The following OTOGL variants were observed in gnomAD, a reference collection of about 807,000 sequenced individuals.
OTOGL encodes the protein otogelin like.
Under a neutral mutation model 318.5 loss-of-function variants are expected in OTOGL, and 285 were observed. The observed-to-expected ratio is 0.89, with a 90% CI of 0.81 to 0.99. The LOEUF (loss-of-function observed/expected upper bound fraction) is 0.99. Among genes scored for constraint, OTOGL ranks in the 50% least tolerant of loss-of-function variants. OTOGL has a pLI of 0.00. For missense variants in OTOGL, 2,899 were observed against 2,845.6 expected (o/e 1.02, Z -0.43); for synonymous variants, 987 against 936.5 (o/e 1.05, Z -0.99).
chr12:80,240,622 G>A (rs571910513), intron 11 of OTOGL, among the ~76,000 whole-genome samples: 2 of 139,124 alleles, frequency 1.4e-5, no homozygotes, highest in East Asian at 3.9e-4. Context: ...TATGAGACAT[G>A]TGACAAAGTC....
At chr12:80,168,791 A>C (rs949818043) in intron 1 of OTOGL, among the ~76,000 whole-genome samples, 2 of 152,200 alleles carry the variant, frequency 1.3e-5, no homozygotes, top group Non-Finnish European at 2.9e-5. Context: ...GGGACAGAGA[A>C]ATAGGAGTTG....
chr12:80,178,252 G>A (rs1721953532), intron 1 of OTOGL, among the ~76,000 whole-genome samples: 2 of 150,824 alleles, frequency 1.3e-5, no homozygotes, highest in Admixed American at 1.3e-4. Flanking sequence ...GTAGAGATGG[G>A]GTTTCACCAT....
At chr12:80,291,543 G>A (rs1422709304) in intron 26 of OTOGL, among the ~76,000 whole-genome samples, 1 of 152,158 alleles carries the variant, frequency 6.6e-6, no homozygotes, top group Admixed American at 6.5e-5. Context: ...ATAACTTGGG[G>A]TTCCTAAGCC....
chr12:80,339,561 C>A (rs2137930828), intron 43 of OTOGL, among the ~76,000 whole-genome samples: 1 of 151,948 alleles, frequency 6.6e-6, no homozygotes, highest in South Asian at 2.1e-4. Context: ...AATGAAGCAT[C>A]AGGCATTATT....
At chr12:80,262,309 C>A (rs991204916) in intron 19 of OTOGL, among the ~76,000 whole-genome samples, 4 of 151,476 alleles carry the variant, frequency 2.6e-5, no homozygotes, top group Non-Finnish European at 5.9e-5. Context: ...CTGACAGTGG[C>A]TTTTATTTCC....
intron 1 of OTOGL, among the ~76,000 whole-genome samples, chr12:80,197,898 C>T (rs79174489): frequency 0.05 from 7,678 of 152,256 alleles, 641 homozygotes; most frequent in African/African-American, 0.18. Context: ...AATCTTTCCT[C>T]TTAATATGTA....
chr12:80,222,525 A>G (rs997061381), intron 7 of OTOGL, among the ~76,000 whole-genome samples: 3 of 152,154 alleles, frequency 2.0e-5, no homozygotes, highest in Non-Finnish European at 4.4e-5. Context: ...TTACATAAGC[A>G]CAGGCTATCG....
intron 1 of OTOGL, among the ~76,000 whole-genome samples, chr12:80,148,664 C>T (rs889709059): frequency 1.1e-4 from 17 of 152,164 alleles, no homozygotes; most frequent in African/African-American, 4.1e-4. Flanking sequence ...AACTTGGTTC[C>T]ATTCTCCTCG....
rs748571258 is a variant in OTOGL at position 80,372,061 on chromosome 12, A to AT, written c.6779dup (p.Cys2261LeufsTer14). On this transcript the variant is annotated frameshift_variant, in exon 57 of 59. Transcript: ENST00000547103. LOFTEE classifies it high-confidence loss of function. ...GCTTTATAATGAAGGCTGTTGCAAGATCTGTAAGTGAGAGCATATTCCATG... is the reference window on the plus strand; with the variant it reads ...GCTTTATAATGAAGGCTGTTGCAAGATTCTGTAAGTGAGAGCATATTCCATG... The AT allele has an allele frequency of 6.5e-7, 1 of 1,550,202 alleles. No homozygotes were observed. The highest frequency in any genetic ancestry group is 2.4e-5 in the East Asian group (1 of 41,328).
intron 1 of OTOGL, among the ~76,000 whole-genome samples, chr12:80,120,594 G>A (rs1870431145): frequency 6.6e-6 from 1 of 151,986 alleles, no homozygotes; most frequent in Non-Finnish European, 1.5e-5. Context: ...AAAAATCCAA[G>A]TATGAGAAAT....
In OTOGL at chr12:80,239,409, A is replaced by G; in HGVS notation, c.1022A>G (p.Tyr341Cys). The part of the protein sequence containing the change: ...SCHEYIDPYL[Y>C]IASCVNDLCK... ...CATGAGTATATCGATCCATACTTAT[A>G]TATTGCCAGCTGTGTTAATGATCTT... is the stretch of plus-strand genomic sequence containing the variant. Residue 341 changes from tyrosine to cysteine, a missense_variant, in exon 11 of 59, where the codon TAT (tyrosine) becomes TGT (cysteine). Tyr to Cys is a radical substitution (Grantham distance 194). Coordinates refer to ENST00000547103, the MANE Select transcript of OTOGL (RefSeq NM_001378609.3). The G allele has an allele frequency of 6.2e-7, 1 of 1,604,470 alleles. No homozygotes were observed. Among genetic ancestry groups the G allele is most frequent in the Non-Finnish European group, 8.5e-7 (1 of 1,173,784 alleles).
intron 13 of OTOGL, among the ~76,000 whole-genome samples, chr12:80,253,031 G>C (rs1365155080): frequency 1.3e-5 from 2 of 152,206 alleles, no homozygotes; most frequent in Non-Finnish European, 2.9e-5. Flanking sequence ...TCAGACAGCA[G>C]TAACAAATGC....
chr12:80,241,007 G>A (rs1021425687), intron 11 of OTOGL, among the ~76,000 whole-genome samples: 2 of 152,026 alleles, frequency 1.3e-5, no homozygotes, highest in Non-Finnish European at 2.9e-5. Flanking sequence ...ATCCCAAGAA[G>A]TATAAGTGAT....
intron 1 of OTOGL, among the ~76,000 whole-genome samples, chr12:80,146,813 C>T (rs1202709525): frequency 1.3e-4 from 20 of 149,320 alleles, no homozygotes; most frequent in South Asian, 8.5e-4. Context: ...AGGAATTTAT[C>T]CATTTCTTCT....
chr12:80,283,051 C>T (rs929158614), intron 26 of OTOGL, among the ~76,000 whole-genome samples: 2 of 151,940 alleles, frequency 1.3e-5, no homozygotes, highest in African/African-American at 4.8e-5. Flanking sequence ...GTTCTTTACC[C>T]CTTTTTCCTA....
intron 26 of OTOGL, among the ~76,000 whole-genome samples, chr12:80,292,420 G>A (rs1275063131): frequency 6.6e-6 from 1 of 152,060 alleles, no homozygotes; most frequent in Admixed American, 6.6e-5. Context: ...CCCAGTATTG[G>A]GCCAGCAATC....
intron 3 of OTOGL, among the ~76,000 whole-genome samples, chr12:80,211,647 G>C (rs1877264158): frequency 2.0e-5 from 3 of 152,114 alleles, no homozygotes; most frequent in Admixed American, 2.0e-4. Context: ...AAGGGTTGGT[G>C]CTACAATGTT....
In OTOGL at chr12:80,222,106, A is replaced by G. The variant is rs1431107308; in HGVS notation, c.350A>G (p.Asn117Ser). 6.3e-7 allele frequency: 1 copy of G among 1,598,304 alleles called. No homozygotes were observed. The highest frequency in any genetic ancestry group is 8.5e-7 in the Non-Finnish European group (1 of 1,179,122). Residue 117 changes from asparagine to serine, a missense_variant, in exon 7 of 59, where the codon AAC (asparagine) becomes AGC (serine). Coordinates refer to ENST00000547103, the MANE Select transcript of OTOGL (RefSeq NM_001378609.3). ...TTCTTTTCAGTCCCAAACATGGGCA[A>G]CGGCAGAGATGGGATTTGTAAAACC... ...TRCQIIPNMG[N>S]GRDGICKTWG...
chr12:80,227,041 T>A (rs1197108363), intron 7 of OTOGL, among the ~76,000 whole-genome samples: 2 of 152,178 alleles, frequency 1.3e-5, no homozygotes, highest in Non-Finnish European at 2.9e-5. Flanking sequence ...TCCTTTCCCA[T>A]TCTTTTGTGC....
Sources: gnomAD v4.1 joint callset for allele counts (sites outside exome capture counted in the v4.1 genomes callset) on GRCh38, gnomAD v4.1.1 for gene constraint, MANE v1.5 for transcripts, NCBI Gene and HGNC (gene_info 2026-07-23, HGNC 2026-07-21) for gene names.